Variants in MACROD2 observed in about 807,000 individuals in gnomAD.
MACROD2 encodes the protein mono-ADP ribosylhydrolase 2.
In MACROD2, 36 loss-of-function variants were observed where a neutral mutation model predicts 70.4. That is an observed-to-expected ratio of 0.51 (90% CI 0.39 to 0.68). The LOEUF (loss-of-function observed/expected upper bound fraction) is 0.68, where lower values mean the gene tolerates loss of function less well. MACROD2 is among the 30% of genes least tolerant of loss of function. The probability of loss-of-function intolerance (pLI) is 0.00; values close to 1 mark genes in which losing one functional copy is unlikely to be tolerated. For synonymous variants in MACROD2, 172 were observed against 178.8 expected (o/e 0.96, Z 0.30); for missense variants, 496 against 538.4 (o/e 0.92, Z 0.78).
intron 5 of MACROD2, among the ~76,000 whole-genome samples, chr20:14,818,488 G>A (rs980102571): frequency 2.0e-5 from 3 of 151,808 alleles, no homozygotes; most frequent in Non-Finnish European, 2.9e-5. Context: ...TTTTCTATTC[G>A]GGGTATTTTA....
intron 7 of MACROD2, among the ~76,000 whole-genome samples, chr20:15,446,828 A>C (rs1485963243): frequency 6.6e-6 from 1 of 152,194 alleles, no homozygotes; most frequent in Non-Finnish European, 1.5e-5. Context: ...AAAAGATAGA[A>C]GTGCACAGTT....
At chr20:15,419,063 T>A (rs389210) in intron 6 of MACROD2, among the ~76,000 whole-genome samples, 2 of 152,062 alleles carry the variant, frequency 1.3e-5, no homozygotes, top group Non-Finnish European at 2.9e-5. Context: ...GGATAAGGAT[T>A]TGGGGGAAAG....
At chr20:15,710,745 A>G (rs756307229) in intron 8 of MACROD2, among the ~76,000 whole-genome samples, 22 of 152,212 alleles carry the variant, frequency 1.4e-4, no homozygotes, top group Non-Finnish European at 3.1e-4. Flanking sequence ...TATTTTCATA[A>G]CACATATTTG....
intron 5 of MACROD2, among the ~76,000 whole-genome samples, chr20:14,948,156 T>C (rs1223653145): frequency 1.3e-5 from 2 of 151,796 alleles, no homozygotes; most frequent in African/African-American, 4.8e-5. Flanking sequence ...CTTTGAGGAG[T>C]GGAGATTTTA....
intron 2 of MACROD2, among the ~76,000 whole-genome samples, chr20:14,075,151 G>A (rs1272607295): frequency 6.6e-6 from 1 of 152,012 alleles, no homozygotes; most frequent in Non-Finnish European, 1.5e-5. Flanking sequence ...AAGTAAAAAG[G>A]TGAAAGTTCT....
intron 5 of MACROD2, among the ~76,000 whole-genome samples, chr20:14,892,165 T>G (rs2073769380): frequency 6.6e-6 from 1 of 152,190 alleles, no homozygotes; most frequent in Non-Finnish European, 1.5e-5. Context: ...CAATAGTTAT[T>G]TCTTTATATT....
chr20:15,048,819 A>G (rs6079642), intron 5 of MACROD2, among the ~76,000 whole-genome samples: 26,081 of 152,088 alleles, frequency 0.17, 2,854 homozygotes, highest in East Asian at 0.34. Flanking sequence ...TCTCAATTAT[A>G]GATGTGCCTA....
chr20:14,316,927 C>T (rs1568551725), intron 3 of MACROD2, among the ~76,000 whole-genome samples: 1 of 152,138 alleles, frequency 6.6e-6, no homozygotes, highest in African/African-American at 2.4e-5. Context: ...CTCCTGCTCT[C>T]CACCCCCTAT....
chr20:15,073,440 A>G (rs899497494), intron 5 of MACROD2, among the ~76,000 whole-genome samples: 2 of 150,688 alleles, frequency 1.3e-5, no homozygotes, highest in Non-Finnish European at 3.0e-5. Context: ...AGACTTGCAC[A>G]ATTATTTCAG....
intron 5 of MACROD2, among the ~76,000 whole-genome samples, chr20:15,195,893 C>T (rs2076603078): frequency 6.6e-6 from 1 of 152,094 alleles, no homozygotes; most frequent in Non-Finnish European, 1.5e-5. Context: ...TGGAATATGA[C>T]ACAGCCATAA....
At chr20:15,718,525 C>A (rs2050738751) in intron 8 of MACROD2, among the ~76,000 whole-genome samples, 1 of 152,170 alleles carries the variant, frequency 6.6e-6, no homozygotes, top group Non-Finnish European at 1.5e-5. Context: ...GAAAAGCCAT[C>A]TTTGTTCAGT....
At chr20:15,085,379 A>G (rs1468193248) in intron 5 of MACROD2, among the ~76,000 whole-genome samples, 1 of 152,148 alleles carries the variant, frequency 6.6e-6, no homozygotes, top group Non-Finnish European at 1.5e-5. Context: ...CAAGAAAAGA[A>G]AAAACATAGA....
At chr20:14,992,358 A>ACT (rs2074912188) in intron 5 of MACROD2, among the ~76,000 whole-genome samples, 1 of 152,160 alleles carries the variant, frequency 6.6e-6, no homozygotes, top group Non-Finnish European at 1.5e-5. Flanking sequence ...AAGCTAGTTA[A>ACT]AATGCATGTT....
chr20:14,124,734 TGG>T (rs1338014706), intron 3 of MACROD2, among the ~76,000 whole-genome samples: 3 of 152,122 alleles, frequency 2.0e-5, no homozygotes, highest in Non-Finnish European at 4.4e-5. Context: ...GAAAACATTT[TGG>T]GGATTCCTCA....
intron 4 of MACROD2, among the ~76,000 whole-genome samples, chr20:14,639,293 G>T (rs1984963109): frequency 6.6e-6 from 1 of 151,940 alleles, no homozygotes; most frequent in South Asian, 2.1e-4. Context: ...CTTTAAAGAA[G>T]TTAACACATC....
chr20:14,036,031 A>C (rs1361634536), intron 2 of MACROD2, among the ~76,000 whole-genome samples: 2 of 152,100 alleles, frequency 1.3e-5, no homozygotes, highest in East Asian at 3.9e-4. Flanking sequence ...AGTCCCAGCT[A>C]GTCTGGAGGC....
At chr20:14,384,752 G>A (rs1171950308) in intron 3 of MACROD2, among the ~76,000 whole-genome samples, 2 of 152,030 alleles carry the variant, frequency 1.3e-5, no homozygotes, top group Non-Finnish European at 2.9e-5. Flanking sequence ...GTGCAATTGG[G>A]TTTATTGTAA....
chr20:15,800,141 C>A (rs920398902), intron 8 of MACROD2, among the ~76,000 whole-genome samples: 6 of 151,974 alleles, frequency 3.9e-5, no homozygotes, highest in Non-Finnish European at 8.8e-5. Context: ...TTCTTTGTTT[C>A]TTTTTGCTGT....
chr20:14,121,667 T>C (rs2054590881), intron 3 of MACROD2, among the ~76,000 whole-genome samples: 1 of 152,226 alleles, frequency 6.6e-6, no homozygotes, highest in African/African-American at 2.4e-5. Context: ...TGAGCAGTTT[T>C]GTATTATTCT....
Sources: allele counts gnomAD v4.1 joint callset (sites outside exome capture counted in the v4.1 genomes callset), GRCh38; gene constraint gnomAD v4.1.1; transcripts MANE v1.5; gene names NCBI Gene and HGNC (gene_info 2026-07-23, HGNC 2026-07-21).